MALT1: variants seen among roughly 807,000 people sequenced by gnomAD.
The protein encoded by MALT1 is MALT1 paracaspase.
A neutral mutation model predicts 85.5 loss-of-function variants in MALT1; 36 were observed. That is an observed-to-expected ratio of 0.42 (90% CI 0.32 to 0.56). MALT1 has a LOEUF of 0.56. Ranked by LOEUF, MALT1 falls within the 20% of genes least tolerant of loss-of-function variation. The pLI is 0.10. For missense variants in MALT1, 716 were observed against 981.6 expected (o/e 0.73, Z 3.62); for synonymous variants, 359 against 361.3 (o/e 0.99, Z 0.07).
chr18:58,672,519 A>G (rs2054179562), intron 1 of MALT1: 1 of 152,202 alleles, frequency 6.6e-6, no homozygotes, highest in African/African-American at 2.4e-5. Context: ...CCTCTTAAGA[A>G]TTATTGAGGA....
chr18:58,714,286 T>A (rs890087872), intron 8 of MALT1, among the ~76,000 whole-genome samples, 177 bp downstream of exon 8: 1 of 152,198 alleles, frequency 6.6e-6, no homozygotes, highest in African/African-American at 2.4e-5. Flanking sequence ...AAGTGATACA[T>A]TAAAAATATT....
intron 9 of MALT1, among the ~76,000 whole-genome samples, chr18:58,719,276 G>T (rs2054947597): frequency 6.7e-6 from 1 of 148,594 alleles, no homozygotes; most frequent in Non-Finnish European, 1.5e-5. Context: ...ACCTTAGTGG[G>T]GGTTGGTGAA....
In MALT1 at chr18:58,709,365, C is replaced by G; in HGVS notation, c.650-13C>G. ...TTTTAACCTAGAGATTTTATTTTTT[C>G]TTTTAATTTAAGGAAGTGTTGATGG... On this transcript the variant is annotated splice_polypyrimidine_tract_variant and intron_variant, in intron 4 of 16. Coordinates refer to ENST00000649217, the MANE Select transcript of MALT1 (RefSeq NM_006785.4). The G allele has an allele frequency of 1.3e-6, 2 of 1,512,580 alleles. No homozygotes were observed. Among genetic ancestry groups the G allele is most frequent in the Non-Finnish European group, 1.8e-6 (2 of 1,126,560 alleles). 93.7% of individuals were successfully genotyped at this position (1,512,580 alleles called of 1,614,324 possible). A position where few individuals can be genotyped will look rare whatever the true frequency, so the allele number is the denominator to read the frequency against.
At chr18:58,671,892 G>A (rs1366888274) in intron 1 of MALT1, 40 bp downstream of exon 1, 3 of 1,202,298 alleles carry the variant, frequency 2.5e-6, no homozygotes, top group East Asian at 3.4e-5. Context: ...CGCGGGTCGA[G>A]CGGGGTGGGC....
chr18:58,693,353 C>T (rs952286555), intron 2 of MALT1, among the ~76,000 whole-genome samples: 3 of 152,114 alleles, frequency 2.0e-5, no homozygotes, highest in Non-Finnish European at 4.4e-5. Flanking sequence ...ACCTGGAAGG[C>T]GGAGGTTGCA....
chr18:58,737,934 G>C (rs1314495217), intron 13 of MALT1, among the ~76,000 whole-genome samples: 1 of 152,118 alleles, frequency 6.6e-6, no homozygotes, highest in East Asian at 1.9e-4. Context: ...GAGGTAAATT[G>C]GTTGTTATAA....
intron 16 of MALT1, 77 bp downstream of exon 16, chr18:58,745,868 A>G: frequency 7.7e-7 from 1 of 1,301,990 alleles, no homozygotes; most frequent in East Asian, 2.3e-5. Context: ...TAGACCATAG[A>G]TATGCTGCCT....
Position 58,709,993 on chromosome 18 carries a change from G to C in MALT1, c.846G>C (p.Leu282Phe), listed in dbSNP as rs760929603. Residue 282 changes from leucine (L) to phenylalanine (F), a missense_variant, in exon 6 of 17, where the codon TTG becomes TTC. Around this residue, in one of 4 missense-constraint regions of MALT1, gnomAD observed 290 missense variants for 380.5 expected, o/e 0.76. Coordinates refer to ENST00000649217, the MANE Select transcript of MALT1 (RefSeq NM_006785.4). ...KKLYMVPYVDLEHQGTYWCHV... is the reference protein window; with the variant it reads ...KKLYMVPYVDFEHQGTYWCHV... ...TGATATAGGTGCCTTATGTGGATTT[G>C]GAACACCAAGGAACCTACTGGTGTC... The C allele has an allele frequency of 6.2e-7, 1 of 1,607,682 alleles. No homozygotes were observed. The highest frequency in any genetic ancestry group is 8.5e-7 in the Non-Finnish European group (1 of 1,175,704).
intron 3 of MALT1, among the ~76,000 whole-genome samples, chr18:58,697,437 T>C (rs1242136367): frequency 6.6e-6 from 1 of 152,148 alleles, no homozygotes; most frequent in Non-Finnish European, 1.5e-5. Context: ...ACTAGATAGG[T>C]CTGTGTTGGA....
At chr18:58,740,282 C>G (rs1402850572) in intron 13 of MALT1, among the ~76,000 whole-genome samples, 1 of 152,156 alleles carries the variant, frequency 6.6e-6, no homozygotes, top group Non-Finnish European at 1.5e-5. Context: ...AAGAACCAAT[C>G]TTTGACTCTG....
intron 1 of MALT1, among the ~76,000 whole-genome samples, chr18:58,676,650 C>A (rs187365062): frequency 4.6e-5 from 7 of 152,176 alleles, no homozygotes; most frequent in Admixed American, 3.3e-4. Flanking sequence ...TGTCTACTTG[C>A]GTTACCTCCA....
intron 10 of MALT1, among the ~76,000 whole-genome samples, chr18:58,724,623 G>A (rs1018119070): frequency 3.3e-5 from 5 of 152,192 alleles, no homozygotes; most frequent in African/African-American, 1.2e-4. Flanking sequence ...CTTACGTCAT[G>A]AGGGGTCGCA....
chr18:58,699,346 G>GT (rs1281959642), intron 3 of MALT1, among the ~76,000 whole-genome samples: 1 of 152,178 alleles, frequency 6.6e-6, no homozygotes, highest in African/African-American at 2.4e-5. Context: ...CACTTAGGAC[G>GT]ATATAGTAGG....
chr18:58,723,361 TGGAAGAG>T (rs2055010819), intron 10 of MALT1, 110 bp downstream of exon 10: 1 of 697,464 alleles, frequency 1.4e-6, no homozygotes, highest in Non-Finnish European at 2.3e-6. Flanking sequence ...TGTTGTTGAA[TGGAAGAG>T]TTTTATTTTT....
intron 13 of MALT1, among the ~76,000 whole-genome samples, chr18:58,735,911 A>C (rs1315184430): frequency 6.6e-6 from 1 of 152,174 alleles, no homozygotes; most frequent in Admixed American, 6.5e-5. Flanking sequence ...TGCTGTGCAT[A>C]TGTCAGATGC....
At chr18:58,729,633 C>T (rs2144447047) in intron 10 of MALT1, among the ~76,000 whole-genome samples, 1 of 151,914 alleles carries the variant, frequency 6.6e-6, no homozygotes. Flanking sequence ...AAAATAAGGG[C>T]AGAAATCACT....
At chr18:58,679,710 G>A (rs776794924) in intron 1 of MALT1, among the ~76,000 whole-genome samples, 3 of 151,942 alleles carry the variant, frequency 2.0e-5, no homozygotes, top group South Asian at 4.2e-4. Flanking sequence ...ACCACACACC[G>A]GCTAACTTTT....
chr18:58,692,445 C>A (rs62094984), intron 2 of MALT1, among the ~76,000 whole-genome samples: 2,670 of 27,940 alleles, frequency 0.096, 57 homozygotes, highest in African/African-American at 0.26. Flanking sequence ...TCACTCTCTC[C>A]CTCCCTCCCT....
intron 4 of MALT1, among the ~76,000 whole-genome samples, chr18:58,702,563 GGTCA>G (rs2054688579): frequency 6.6e-6 from 1 of 152,168 alleles, no homozygotes. Context: ...ATCAAGAAGA[GGTCA>G]GTTTGTTATG....
Sources: allele counts gnomAD v4.1 joint callset (sites outside exome capture counted in the v4.1 genomes callset), GRCh38; gene constraint gnomAD v4.1.1; regional missense constraint gnomAD v4.1.1; transcripts MANE v1.5; gene names NCBI Gene and HGNC (gene_info 2026-07-23, HGNC 2026-07-21).